The following SCNN1B variants were observed in gnomAD, a reference collection of about 807,000 sequenced individuals.
SCNN1B encodes the protein epithelial sodium channel subunit beta.
A neutral mutation model predicts 65.3 loss-of-function variants in SCNN1B; 46 were observed. That is an observed-to-expected ratio of 0.70 (90% confidence interval 0.56 to 0.90). The LOEUF is 0.90. SCNN1B is among the 40% of genes least tolerant of loss of function. The pLI, the probability that SCNN1B is intolerant of heterozygous loss-of-function variation, is 0.00. For synonymous variants in SCNN1B, 349 were observed against 330.6 expected (o/e 1.06, Z -0.60); for missense variants, 751 against 830.5 (o/e 0.90, Z 1.18).
chr16:23,284,022 C>T (rs1960818255), intron 2 of SCNN1B, among the ~76,000 whole-genome samples: 1 of 152,216 alleles, frequency 6.6e-6, no homozygotes, highest in African/African-American at 2.4e-5. Flanking sequence ...ACCATCCAAT[C>T]TCCTGCCAGT....
intron 1 of SCNN1B, among the ~76,000 whole-genome samples, chr16:23,279,074 G>T (rs979597860): frequency 1.5e-4 from 19 of 128,350 alleles, no homozygotes; most frequent in African/African-American, 7.2e-4. Context: ...GTGTGTGTGG[G>T]GTGTGTGTGT....
upstream of SCNN1B, among the ~76,000 whole-genome samples, chr16:23,298,605 A>C (rs998394379): frequency 1.3e-5 from 2 of 152,160 alleles, no homozygotes; most frequent in Admixed American, 1.3e-4. Flanking sequence ...ACTTATCCAG[A>C]GTCAAGTTTT....
intron 1 of SCNN1B, among the ~76,000 whole-genome samples, chr16:23,304,461 A>G (rs977419288): frequency 3.3e-5 from 5 of 152,056 alleles, no homozygotes; most frequent in Admixed American, 2.0e-4. Flanking sequence ...TAAGGCTGAG[A>G]CTCAGCCAGG....
At chr16:23,378,644 G>C (rs1962964482) in intron 10 of SCNN1B, 62 bp from the exon 11 acceptor site, 2 of 1,492,744 alleles carry the variant, frequency 1.3e-6, no homozygotes, top group South Asian at 2.3e-5. Context: ...CCAGGGAACA[G>C]AGCCATGACT....
In SCNN1B at chr16:23,348,733, G is replaced by A. The variant is rs1962242292; in HGVS notation, c.134G>A (p.Gly45Glu). The change falls in exon 2 of 13, where the codon GGG becomes GAG. Residue 45 changes from glycine (G) to glutamate (E), a missense_variant. Transcript: ENST00000343070. The surrounding 1 kb of genome is among the most constrained non-coding windows in gnomAD (Gnocchi z 4.5). ...THGPKRIICEGPKKKAMWFLL... is the reference protein window; with the variant it reads ...THGPKRIICEEPKKKAMWFLL... ...GGCCCCAAGCGCATCATCTGTGAGG[G>A]GCCCAAGAAGAAAGCCATGTGGTTC... 6.2e-7 allele frequency: 1 copy of A among 1,614,152 alleles called. No individual in the cohort carries two copies. The highest frequency in any genetic ancestry group is 8.5e-7 in the Non-Finnish European group (1 of 1,180,030).
intron 2 of SCNN1B, among the ~76,000 whole-genome samples, chr16:23,296,402 G>C (rs1960997393): frequency 6.6e-6 from 1 of 152,162 alleles, no homozygotes; most frequent in African/African-American, 2.4e-5. Context: ...AAATGTACCA[G>C]GTTAACAAAA....
chr16:23,320,656 C>T (rs1000482930), intron 1 of SCNN1B, among the ~76,000 whole-genome samples: 3 of 152,220 alleles, frequency 2.0e-5, no homozygotes, highest in African/African-American at 4.8e-5. Flanking sequence ...GGTTCTGATC[C>T]ATGCAGTTTA....
At chr16:23,372,568 C>T (rs1382080324) in intron 7 of SCNN1B, among the ~76,000 whole-genome samples, 3 of 150,092 alleles carry the variant, frequency 2.0e-5, no homozygotes, top group African/African-American at 7.4e-5. Context: ...GATATTGGCT[C>T]ACTGCAACCT....
chr16:23,380,247 G>A lies in SCNN1B; in HGVS notation c.1542+78G>A. The A allele has an allele frequency of 1.3e-6, 2 of 1,510,362 alleles. No individual in the cohort carries two copies. The highest frequency in any genetic ancestry group is 1.1e-5 in the South Asian group (1 of 88,898). The allele number at this position is 1,510,362 out of a possible 1,614,324, so 93.6% of individuals were successfully genotyped here. ...ACCCTGAGGGTGGGGGAAGGGTTCTGAGCCCTATGAAGGAATTAGGAAGAT... is the reference window on the plus strand; with the variant it reads ...ACCCTGAGGGTGGGGGAAGGGTTCTAAGCCCTATGAAGGAATTAGGAAGAT... On this transcript the variant is annotated intron_variant, in intron 12 of 12. Coordinates refer to ENST00000343070, the MANE Select transcript of SCNN1B (RefSeq NM_000336.3). This position sits in a 1 kb window ranked among gnomAD's most constrained non-coding sequence, Gnocchi z 5.4.
intron 1 of SCNN1B, among the ~76,000 whole-genome samples, chr16:23,343,641 A>AAG (rs1962122919): frequency 2.2e-5 from 3 of 135,516 alleles, no homozygotes; most frequent in Admixed American, 7.2e-5. Flanking sequence ...GAAAGAAAGA[A>AAG]AGAAAGAAAA....
Position 23,380,252 on chromosome 16 carries a change from C to T in SCNN1B, c.1542+83C>T, listed in dbSNP as rs1181239948. The T allele has an allele frequency of 2.0e-6, 3 of 1,504,490 alleles. No homozygotes were observed. The Admixed American group carries it at 5.0e-5, about 25-fold the overall frequency. The allele number at this position is 1,504,490 out of a possible 1,614,324, so 93.2% of individuals were successfully genotyped here. On this transcript the variant is annotated intron_variant, in intron 12 of 12. Coordinates refer to ENST00000343070, the MANE Select transcript of SCNN1B (RefSeq NM_000336.3). The surrounding 1 kb of genome is among the most constrained non-coding windows in gnomAD (Gnocchi z 5.4). ...GAGGGTGGGGGAAGGGTTCTGAGCC[C>T]TATGAAGGAATTAGGAAGATCCCTA...
intron 4 of SCNN1B, among the ~76,000 whole-genome samples, chr16:23,365,112 G>A (rs1415975731): frequency 2.0e-5 from 3 of 150,928 alleles, no homozygotes; most frequent in Non-Finnish European, 4.4e-5. Context: ...GGGTGAAAGA[G>A]CAAAACTCCA....
At chr16:23,360,720 C>T (rs999064486) in intron 4 of SCNN1B, among the ~76,000 whole-genome samples, 7 of 151,586 alleles carry the variant, frequency 4.6e-5, no homozygotes, top group African/African-American at 1.2e-4. Context: ...CTCAGCCCCC[C>T]GAGTAGCTGG....
At chr16:23,293,753 C>T (rs1209900995) in intron 2 of SCNN1B, among the ~76,000 whole-genome samples, 1 of 151,530 alleles carries the variant, frequency 6.6e-6, no homozygotes, top group East Asian at 1.9e-4. Flanking sequence ...ATAGGGAGAC[C>T]CCTTCTCTAC....
chr16:23,363,684 C>T (rs1436347828), intron 4 of SCNN1B, among the ~76,000 whole-genome samples: 2 of 151,978 alleles, frequency 1.3e-5, no homozygotes, highest in Non-Finnish European at 2.9e-5. Flanking sequence ...TGTGGTGGCA[C>T]ATGCCTGTAG....
chr16:23,313,344 G>A (rs1961383628), intron 1 of SCNN1B, among the ~76,000 whole-genome samples: 1 of 152,136 alleles, frequency 6.6e-6, no homozygotes, highest in Non-Finnish European at 1.5e-5. Context: ...CCTGAAATGG[G>A]CAGGGCTGTA....
At chr16:23,347,886 G>T (rs1962221948) in intron 1 of SCNN1B, among the ~76,000 whole-genome samples, 1 of 152,252 alleles carries the variant, frequency 6.6e-6, no homozygotes, top group Non-Finnish European at 1.5e-5. Context: ...TCTAGGCTGG[G>T]TAAGAGAGTG....
chr16:23,343,647 GAAAAAA>G, intron 1 of SCNN1B, among the ~76,000 whole-genome samples: 1 of 110,034 alleles, frequency 9.1e-6, no homozygotes, highest in African/African-American at 3.8e-5. Context: ...AAGAAAGAAA[GAAAAAA>G]AGAAAGGAAG....
chr16:23,336,464 C>A (rs945484719), intron 1 of SCNN1B, among the ~76,000 whole-genome samples: 1 of 151,792 alleles, frequency 6.6e-6, no homozygotes. Context: ...CTTCCCCTCC[C>A]GGGTTCAAGC....
Sources: gnomAD v4.1 joint callset for allele counts (sites outside exome capture counted in the v4.1 genomes callset) on GRCh38, gnomAD v4.1.1 for gene constraint, Gnocchi (gnomAD v3.1) non-coding constraint, MANE v1.5 for transcripts, NCBI Gene and HGNC (gene_info 2026-07-23, HGNC 2026-07-21) for gene names.